Variants in TTC6 observed in about 807,000 individuals in gnomAD.
TTC6 encodes tetratricopeptide repeat domain 6.
A neutral mutation model predicts 210.4 loss-of-function variants in TTC6; 172 were observed. The observed-to-expected ratio is 0.82, with a 90% CI of 0.72 to 0.93. TTC6 has a LOEUF of 0.93. TTC6 is among the 40% of genes least tolerant of loss of function. The pLI is 0.00. For synonymous variants in TTC6, 804 were observed against 819.6 expected, an observed-to-expected ratio of 0.98 and a Z score of 0.32; for missense variants, 2,414 against 2,318.1, an observed-to-expected ratio of 1.04 and a Z score of -0.85.
chr14:37,653,840 T>A (rs1405883823), intron 1 of TTC6, among the ~76,000 whole-genome samples: 2 of 152,208 alleles, frequency 1.3e-5, no homozygotes, highest in Non-Finnish European at 2.9e-5. Context: ...GTTTTTAAGG[T>A]ACACCTTTTT....
chr14:37,762,532 G>C (rs971635210), intron 14 of TTC6, among the ~76,000 whole-genome samples: 7 of 152,076 alleles, frequency 4.6e-5, no homozygotes, highest in Admixed American at 1.3e-4. Context: ...GCTCATTGTG[G>C]TTTTAATTTT....
chr14:37,707,483 T>A (rs992740582), intron 5 of TTC6, among the ~76,000 whole-genome samples: 1 of 152,046 alleles, frequency 6.6e-6, no homozygotes, highest in African/African-American at 2.4e-5. Context: ...GGTTTCATTT[T>A]CTGTGGTATA....
At chr14:37,790,264 A>G (rs1043667176) in intron 15 of TTC6, among the ~76,000 whole-genome samples, 3 of 151,922 alleles carry the variant, frequency 2.0e-5, no homozygotes, top group Non-Finnish European at 2.9e-5. Flanking sequence ...TGCCTTCAGG[A>G]CTAGTACTCA....
intron 20 of TTC6, among the ~76,000 whole-genome samples, chr14:37,799,656 G>T (rs1469363594): frequency 1.3e-5 from 2 of 152,144 alleles, no homozygotes; most frequent in Non-Finnish European, 2.9e-5. Flanking sequence ...ACTATGAACT[G>T]CTTGTGGAGA....
Position 37,741,574 on chromosome 14 carries a change from G to A in TTC6, c.2363+2419G>A, listed in dbSNP as rs533836282. Among the ~76,000 whole-genome samples the A allele has an allele frequency of 1.1e-4, 17 of 152,256 alleles. No individual in the cohort carries two copies. The South Asian group carries it at 3.5e-3, about 32-fold the overall frequency. On this transcript the variant is annotated intron_variant, in intron 10 of 30. Coordinates refer to ENST00000553443, the Ensembl canonical transcript of TTC6. ...CAAAGTGCTGGGATTACAGGCATGA[G>A]GCACCGCGCCTGGCCTTTTCTCACT...
intron 6 of TTC6, 34 bp downstream of exon 8, chr14:37,714,830 C>T (rs1311064821): frequency 2.6e-6 from 4 of 1,514,214 alleles, no homozygotes; most frequent in Non-Finnish European, 3.5e-6. Context: ...TTTTTTTGTA[C>T]CTCACAGGTC....
chr14:37,670,826 T>G (rs766131447), intron 1 of TTC6, among the ~76,000 whole-genome samples: 1 of 152,052 alleles, frequency 6.6e-6, no homozygotes, highest in African/African-American at 2.4e-5. Flanking sequence ...TTAAAAAGGC[T>G]AAGAAAAATT....
At chr14:37,738,033 AT>A (rs1156945912) in intron 9 of TTC6, among the ~76,000 whole-genome samples, 1 of 151,934 alleles carries the variant, frequency 6.6e-6, no homozygotes, top group African/African-American at 2.4e-5. Context: ...CAAATTATTT[AT>A]TAGCAAATGA....
chr14:37,626,503 A>AT (rs2095660531), intron 1 of TTC6, among the ~76,000 whole-genome samples: 1 of 152,174 alleles, frequency 6.6e-6, no homozygotes, highest in Non-Finnish European at 1.5e-5. Flanking sequence ...GATGAAATAG[A>AT]TATCCTTTTT....
intron 10 of TTC6, among the ~76,000 whole-genome samples, chr14:37,745,683 G>A (rs576877131): frequency 4.6e-5 from 7 of 152,254 alleles, no homozygotes; most frequent in South Asian, 2.1e-4. Flanking sequence ...ATTGATAAAC[G>A]TCAGTGGGAT....
In TTC6 at chr14:37,664,162, C is replaced by T. The variant is rs539243364; in HGVS notation, c.940-15989C>T. ...AATTAGAAAAAGCTATTTTAAAGCT[C>T]ATGTGGAACAAAAAAAGAGCCCATG... is the stretch of plus-strand genomic sequence containing the variant. On this transcript the variant is annotated intron_variant, in intron 1 of 30. Transcript: ENST00000553443. 2.7e-5 allele frequency among the ~76,000 whole-genome samples: 4 copies of T among 150,674 alleles called. No individual in the cohort carries two copies. In the East Asian group the frequency reaches 5.8e-4, roughly 22 times the overall value.
chr14:37,746,806 A>G (rs2095937482), intron 10 of TTC6, among the ~76,000 whole-genome samples: 1 of 152,202 alleles, frequency 6.6e-6, no homozygotes, highest in African/African-American at 2.4e-5. Flanking sequence ...AAACTTATGC[A>G]GGAGAGGACT....
At chr14:37,725,310 G>GTATATA (rs1191022370) in intron 7 of TTC6, among the ~76,000 whole-genome samples, 13 of 55,708 alleles carry the variant, frequency 2.3e-4, no homozygotes, top group East Asian at 9.2e-4. Flanking sequence ...GTGTGTGTGT[G>GTATATA]TGTATATATA....
chr14:37,822,888 A>G (rs187126997), intron 26 of TTC6, among the ~76,000 whole-genome samples: 1 of 152,332 alleles, frequency 6.6e-6, no homozygotes, highest in African/African-American at 2.4e-5. Context: ...TAAAATGTAG[A>G]TAATTATAAC....
At chr14:37,659,003 C>G (rs1021084890) in intron 1 of TTC6, among the ~76,000 whole-genome samples, 1 of 152,128 alleles carries the variant, frequency 6.6e-6, no homozygotes, top group African/African-American at 2.4e-5. Context: ...TAATTTAGCT[C>G]CAACTTACAA....
chr14:37,840,615 C>T (rs1475229126), intron 29 of TTC6, among the ~76,000 whole-genome samples: 1 of 152,136 alleles, frequency 6.6e-6, no homozygotes, highest in Non-Finnish European at 1.5e-5. Flanking sequence ...TACTGGCAAA[C>T]TGAATCCAGT....
rs527397432 is a variant in TTC6 at position 37,708,122 on chromosome 14, A to G, written c.1572-6533A>G. 3.3e-5 allele frequency among the ~76,000 whole-genome samples: 5 copies of G among 152,144 alleles called. No individual in the cohort carries two copies. The East Asian group carries it at 7.7e-4, about 23-fold the overall frequency. On this transcript the variant is annotated intron_variant, in intron 5 of 30. Transcript: ENST00000553443. The stretch of plus-strand genomic sequence containing the variant: ...TTATGTATACATACATTTTATGAAA[A>G]TGACATTATAGATGTTATTTTGATA...
At chr14:37,623,279 T>TAACG (rs1267924114) in intron 1 of TTC6, among the ~76,000 whole-genome samples, 2 of 152,226 alleles carry the variant, frequency 1.3e-5, no homozygotes, top group East Asian at 3.9e-4. Context: ...ACTTCAGTAA[T>TAACG]AACGTCACTA....
chr14:37,779,229 A>G (rs779313266), intron 14 of TTC6, among the ~76,000 whole-genome samples: 6 of 151,970 alleles, frequency 3.9e-5, no homozygotes, highest in Non-Finnish European at 8.8e-5. Flanking sequence ...TCCCCATTCA[A>G]TGCTTCATCT....
Sources: allele counts gnomAD v4.1 joint callset (sites outside exome capture counted in the v4.1 genomes callset), GRCh38; gene constraint gnomAD v4.1.1; transcripts MANE v1.5; gene names NCBI Gene and HGNC (gene_info 2026-07-23, HGNC 2026-07-21).